The following GRM4 variants were observed in gnomAD, a reference collection of about 807,000 sequenced individuals.
The protein encoded by GRM4 is metabotropic glutamate receptor 4.
GRM4 carries 28 observed loss-of-function variants against 81.7 expected under a neutral mutation model. The observed-to-expected ratio is 0.34, with a 90% CI of 0.25 to 0.47. The LOEUF is 0.47. GRM4 is among the 20% of genes least tolerant of loss of function. The probability of loss-of-function intolerance (pLI) is 1.00; values close to 1 mark genes in which losing one functional copy is unlikely to be tolerated. For missense variants in GRM4, 948 were observed against 1,290.0 expected (o/e 0.73, Z 4.06); for synonymous variants, 488 against 528.8 (o/e 0.92, Z 1.06).
rs1765445645 is a variant in GRM4 at position 34,048,240 on chromosome 6, C to T, written c.1169-7492G>A. Reference sequence around the variant, plus strand: ...GCCAGCTGGAAACCCCCACTCAGCCCCTTGCTGGGCCTGGCAAGTCACTTA... The same window carrying T: ...GCCAGCTGGAAACCCCCACTCAGCCTCTTGCTGGGCCTGGCAAGTCACTTA... On this transcript the variant is annotated intron_variant, in intron 6 of 10. Transcript: ENST00000538487. This position sits in a 1 kb window ranked among gnomAD's most constrained non-coding sequence, Gnocchi z 4.0. Among the ~76,000 whole-genome samples the T allele has an allele frequency of 6.6e-6, 1 of 152,192 alleles. No homozygotes were observed. Among genetic ancestry groups the T allele is most frequent in the Non-Finnish European group, 1.5e-5 (1 of 68,030 alleles).
At chr6:34,032,260 A>G (rs554726188) in intron 9 of GRM4, among the ~76,000 whole-genome samples, 207 of 152,266 alleles carry the variant, frequency 1.4e-3, no homozygotes, top group South Asian at 8.9e-3. Flanking sequence ...CCACACATGC[A>G]CCACTGAGCA....
chr6:34,036,484 G>A lies in GRM4; in HGVS notation c.1626C>T (p.Cys542=), dbSNP rs758454758. The part of the protein sequence containing the change: ...TVKGMPCCWH[C]EPCTGYQYQV... ...GGTACTGGTACCCTGTGCAAGGCTC[G>A]CAGTGCCAGCAGCAAGGCATGCCCT... is the stretch of plus-strand genomic sequence containing the variant. The change falls in exon 9 of 11, where the codon TGC becomes TGT. Residue 542 remains cysteine (C), a synonymous_variant. Coordinates refer to ENST00000538487, the MANE Select transcript of GRM4 (RefSeq NM_000841.4). This position sits in a 1 kb window ranked among gnomAD's most constrained non-coding sequence, Gnocchi z 9.0. 12 of 1,612,916 alleles carry A rather than the reference G, an allele frequency of 7.4e-6. No individual in the cohort carries two copies. Among genetic ancestry groups the A allele is most frequent in the Middle Eastern group, 1.7e-4 (1 of 6,060 alleles).
intron 3 of GRM4, among the ~76,000 whole-genome samples, chr6:34,088,741 A>C (rs1331968686): frequency 6.6e-6 from 1 of 152,172 alleles, no homozygotes; most frequent in Non-Finnish European, 1.5e-5. Flanking sequence ...TGGGAAAAAA[A>C]CACCTAGCCC....
chr6:34,049,781 C>A (rs1554182529), intron 6 of GRM4, among the ~76,000 whole-genome samples: 1 of 152,114 alleles, frequency 6.6e-6, no homozygotes, highest in Non-Finnish European at 1.5e-5. Context: ...ACCACGGCCA[C>A]ACTGCAAAGT....
intron 8 of GRM4, among the ~76,000 whole-genome samples, chr6:34,038,707 T>C (rs2499675): frequency 0.37 from 56,307 of 152,032 alleles, 13,939 homozygotes; most frequent in African/African-American, 0.71. Flanking sequence ...CAGCTCTGTC[T>C]GGGCCTTACA....
At chr6:34,112,802 A>G (rs2127499985) in intron 2 of GRM4, among the ~76,000 whole-genome samples, 1 of 152,084 alleles carries the variant, frequency 6.6e-6, no homozygotes, top group Non-Finnish European at 1.5e-5. Flanking sequence ...TGCGAGTGGC[A>G]CAGATGCCCT....
intron 10 of GRM4, 139 bp from the exon 11 acceptor site, chr6:34,023,009 C>T (rs1179768428): frequency 7.0e-6 from 5 of 717,978 alleles, no homozygotes; most frequent in African/African-American, 5.2e-5. Flanking sequence ...GCTGAGCAAT[C>T]GACACTGCCC....
At chr6:34,131,640 A>G (rs576503458) in intron 2 of GRM4, among the ~76,000 whole-genome samples, 2 of 152,142 alleles carry the variant, frequency 1.3e-5, no homozygotes, top group South Asian at 4.2e-4. Flanking sequence ...CACTGGGACC[A>G]TCCTTTCCCT....
Position 34,074,355 on chromosome 6 carries a change from C to A in GRM4, c.737-12327G>T, listed in dbSNP as rs1200244420. ...TGCGGTGAGGATTAGAGCGGATTGC[C>A]CGTGGACAGGGTCAGCCCCTAGGGG... is the stretch of plus-strand genomic sequence containing the variant. On this transcript the variant is annotated intron_variant, in intron 3 of 10. Coordinates refer to ENST00000538487, the MANE Select transcript of GRM4 (RefSeq NM_000841.4). The surrounding 1 kb of genome is among the most constrained non-coding windows in gnomAD (Gnocchi z 4.9). Among the ~76,000 whole-genome samples the A allele has an allele frequency of 2.0e-5, 3 of 152,238 alleles. No individual in the cohort carries two copies. The highest frequency in any genetic ancestry group is 4.4e-5 in the Non-Finnish European group (3 of 68,036).
intron 6 of GRM4, among the ~76,000 whole-genome samples, chr6:34,052,548 A>G (rs1271304205): frequency 3.3e-5 from 5 of 152,220 alleles, no homozygotes; most frequent in Admixed American, 2.6e-4. Flanking sequence ...GCTCTCCGTG[A>G]GACCTTGAGC....
At chr6:34,118,557 T>C (rs1219639247) in intron 2 of GRM4, among the ~76,000 whole-genome samples, 1 of 152,202 alleles carries the variant, frequency 6.6e-6, no homozygotes. Context: ...TGTAGGACTC[T>C]TGTGTGGAAT....
rs766091909 is a variant in GRM4, at chr6:34,133,035, G to A, written c.462C>T (p.Ile154=). ...TGGAGACCGAGCTCCCTGAAGCACCGATGACACCCACCACACGTTCAGGCT... is the reference window on the plus strand; with the variant it reads ...TGGAGACCGAGCTCCCTGAAGCACCAATGACACCCACCACACGTTCAGGCT... ...ITKPERVVGV[I]GASGSSVSIM... The change falls in exon 2 of 11, where the codon ATC becomes ATT. Residue 154 remains isoleucine (I), a synonymous_variant. Coordinates refer to ENST00000538487, the MANE Select transcript of GRM4 (RefSeq NM_000841.4). The surrounding 1 kb of genome is among the most constrained non-coding windows in gnomAD (Gnocchi z 6.5). The A allele has an allele frequency of 2.5e-6, 4 of 1,613,856 alleles. No individual in the cohort carries two copies. Among genetic ancestry groups the A allele is most frequent in the East Asian group, 2.2e-5 (1 of 44,858 alleles).
chr6:34,124,923 C>T (rs1210565810), intron 2 of GRM4, among the ~76,000 whole-genome samples: 1 of 152,040 alleles, frequency 6.6e-6, no homozygotes, highest in Non-Finnish European at 1.5e-5. Context: ...CCTACCTGGG[C>T]TCCAGGAGCC....
At position 34,056,527 on chromosome 6, in the gene GRM4, CCGGCCCG is replaced by C; in HGVS notation, c.1168+10_1168+16del. 1 of 1,608,426 alleles carries C rather than the reference CCGGCCCG, an allele frequency of 6.2e-7. No individual in the cohort carries two copies. The highest frequency in any genetic ancestry group is 8.5e-7 in the Non-Finnish European group (1 of 1,177,414). On this transcript the variant is annotated intron_variant, in intron 6 of 10. Transcript: ENST00000538487. Reference sequence around the variant, plus strand: ...CCTCCTAGAGCCCGCCCGGCCCTGCCCGGCCCGCGTGCTCACTGGTGCACTTCTTGAC... The same window carrying C: ...CCTCCTAGAGCCCGCCCGGCCCTGCCCGTGCTCACTGGTGCACTTCTTGAC...
chr6:34,127,990 A>G (rs1770085579), intron 2 of GRM4, among the ~76,000 whole-genome samples: 1 of 152,200 alleles, frequency 6.6e-6, no homozygotes, highest in Non-Finnish European at 1.5e-5. Flanking sequence ...ATGCAGCCCA[A>G]CATGGGACGA....
Position 34,110,808 on chromosome 6 carries a change from C to A in GRM4, c.520-18709G>T. On this transcript the variant is annotated intron_variant, in intron 2 of 10. Transcript: ENST00000538487. ...CTCCCTGGCCCAGGCTGCAGGCCAT[C>A]TGTCTTGCCTGGCAGCTCTCCTCTG... The A allele has an allele frequency of 4.3e-6, 6 of 1,386,902 alleles. No homozygotes were observed. In the South Asian group the frequency reaches 8.5e-5, roughly 20 times the overall value. The allele number at this position is 1,386,902 out of a possible 1,614,324, so 85.9% of individuals were successfully genotyped here. A position where few individuals can be genotyped will look rare whatever the true frequency, so the allele number is the denominator to read the frequency against.
intron 3 of GRM4, among the ~76,000 whole-genome samples, chr6:34,073,148 TCAC>T (rs1212493644): frequency 3.0e-4 from 2 of 6,626 alleles, no homozygotes; most frequent in Non-Finnish European, 5.7e-4. Context: ...CACACACACA[TCAC>T]CACAGACACA....
At chr6:34,131,937 C>T (rs998276009) in intron 2 of GRM4, among the ~76,000 whole-genome samples, 1 of 151,866 alleles carries the variant, frequency 6.6e-6, no homozygotes, top group South Asian at 2.1e-4. Context: ...CTCTCCTCCC[C>T]TCCCTACACA....
rs948404404 is a variant in GRM4 at position 34,115,053 on chromosome 6, G to A, written c.519+17925C>T. Among the ~76,000 whole-genome samples, 1 of 152,214 alleles carries A rather than the reference G, an allele frequency of 6.6e-6. No homozygotes were observed. Among genetic ancestry groups the A allele is most frequent in the East Asian group, 1.9e-4 (1 of 5,184 alleles). On this transcript the variant is annotated intron_variant, in intron 2 of 10. Transcript: ENST00000538487. This position sits in a 1 kb window ranked among gnomAD's most constrained non-coding sequence, Gnocchi z 4.1. ...GGACCTTTAAGTGCCACTAATCACTGCATCCAGGAGCAGCTGTCCCCAGAT... is the reference window on the plus strand; with the variant it reads ...GGACCTTTAAGTGCCACTAATCACTACATCCAGGAGCAGCTGTCCCCAGAT...
Sources: gnomAD v4.1 joint callset for allele counts (sites outside exome capture counted in the v4.1 genomes callset) on GRCh38, gnomAD v4.1.1 for gene constraint, Gnocchi (gnomAD v3.1) non-coding constraint, MANE v1.5 for transcripts, NCBI Gene and HGNC (gene_info 2026-07-23, HGNC 2026-07-21) for gene names.